Variants in SHANK2 observed in about 807,000 individuals in gnomAD.
SHANK2 encodes the protein SH3 and multiple ankyrin repeat domains 2.
In SHANK2, 43 loss-of-function variants were observed where a neutral mutation model predicts 133.7. The observed-to-expected ratio is 0.32, with a 90% CI of 0.25 to 0.41. SHANK2 has a LOEUF of 0.41. Among genes scored for constraint, SHANK2 ranks in the 10% least tolerant of loss-of-function variants. The pLI, the probability that SHANK2 is intolerant of heterozygous loss-of-function variation, is 1.00. For missense variants in SHANK2, 1,994 were observed against 2,235.8 expected (o/e 0.89, Z 2.18); for synonymous variants, 1,017 against 952.8 (o/e 1.07, Z -1.24).
At chr11:71,157,141 T>C (rs566804458) in intron 2 of SHANK2, among the ~76,000 whole-genome samples, 67 of 151,970 alleles carry the variant, frequency 4.4e-4, no homozygotes, top group African/African-American at 1.4e-3. Context: ...TACACACACA[T>C]ATATATAAAG....
intron 12 of SHANK2, among the ~76,000 whole-genome samples, chr11:70,815,178 AC>A (rs1555054014): frequency 2.8e-3 from 5 of 1,818 alleles, no homozygotes; most frequent in Admixed American, 6.6e-3. Flanking sequence ...GAGAAGAAAC[AC>A]ACACACACAC....
At chr11:70,752,530 G>T (rs3017483) in intron 14 of SHANK2, among the ~76,000 whole-genome samples, 1 of 151,634 alleles carries the variant, frequency 6.6e-6, no homozygotes, top group Admixed American at 6.6e-5. Context: ...CACGGTGAAA[G>T]CCCGTCTCTA....
intron 6 of SHANK2, among the ~76,000 whole-genome samples, chr11:71,108,638 C>T (rs1294031599): frequency 1.3e-5 from 2 of 152,238 alleles, no homozygotes; most frequent in Non-Finnish European, 1.5e-5. Context: ...AGCAGACCCC[C>T]AGGCTTCCCT....
intron 17 of SHANK2, among the ~76,000 whole-genome samples, chr11:70,601,215 C>T (rs1554991008): frequency 1.1e-5 from 1 of 90,924 alleles, no homozygotes; most frequent in East Asian, 4.5e-4. Context: ...CCACGCCCAG[C>T]TAATTTTTTT....
intron 11 of SHANK2, among the ~76,000 whole-genome samples, chr11:70,883,404 G>A (rs1949687919): frequency 6.6e-6 from 1 of 152,156 alleles, no homozygotes; most frequent in Non-Finnish European, 1.5e-5. Flanking sequence ...TCCTCCATCT[G>A]TAGGAAACCA....
At chr11:70,863,474 C>T (rs372258432) in intron 11 of SHANK2, 61 of 457,762 alleles carry the variant, frequency 1.3e-4, no homozygotes, top group Non-Finnish European at 1.9e-4. Context: ...GTGGAAGACA[C>T]GGATTCTGTG....
intron 7 of SHANK2, 88 bp downstream of exon 7, chr11:71,094,449 C>CT: frequency 1.5e-6 from 2 of 1,357,872 alleles, no homozygotes. Context: ...CACGGACCCC[C>CT]TAGGATGGGC....
chr11:70,898,307 C>CACACAG (rs1555076115), intron 10 of SHANK2, among the ~76,000 whole-genome samples: 2 of 149,292 alleles, frequency 1.3e-5, no homozygotes. Context: ...CACACACACA[C>CACACAG]ACACATATAT....
chr11:71,148,377 C>G (rs1555107207), intron 2 of SHANK2, among the ~76,000 whole-genome samples: 1 of 152,230 alleles, frequency 6.6e-6, no homozygotes, highest in East Asian at 1.9e-4. Context: ...AGCCACCGTG[C>G]CTGGCCAGAC....
At position 71,061,059 on chromosome 11, in the gene SHANK2, A is replaced by G. The variant is rs1950980770; in HGVS notation, c.1030-4501T>C. Among the ~76,000 whole-genome samples, 4 of 152,242 alleles carry G rather than the reference A, an allele frequency of 2.6e-5. No individual in the cohort carries two copies. In the South Asian group the frequency reaches 8.3e-4, roughly 31 times the overall value. ...GTACAATTAAATCCAGAGTTTCAAA[A>G]ACAGAAAGCCCTGGCGTCAGTTCTG... On this transcript the variant is annotated intron_variant, in intron 9 of 25. Transcript: ENST00000601538.
chr11:70,478,035 T>TGG (rs2058686205), intron 25 of SHANK2, among the ~76,000 whole-genome samples: 1 of 152,054 alleles, frequency 6.6e-6, no homozygotes. Flanking sequence ...ATCACATTCA[T>TGG]GTAGAAATGT....
At chr11:70,692,477 T>C (rs556457742) in intron 15 of SHANK2, among the ~76,000 whole-genome samples, 204 of 152,346 alleles carry the variant, frequency 1.3e-3, no homozygotes, top group African/African-American at 4.6e-3. Context: ...CAAGGTTGCA[T>C]AGTGACTTAG....
chr11:71,061,961 G>C (rs1349675432), intron 9 of SHANK2, among the ~76,000 whole-genome samples: 3 of 144,074 alleles, frequency 2.1e-5, no homozygotes, highest in African/African-American at 7.6e-5. Context: ...ACTCCAAAAA[G>C]TCTTTCTTTC....
At chr11:70,923,229 TTCC>T (rs1201877484) in intron 10 of SHANK2, among the ~76,000 whole-genome samples, 1 of 152,144 alleles carries the variant, frequency 6.6e-6, no homozygotes, top group Non-Finnish European at 1.5e-5. Context: ...ATCCTCAGCT[TTCC>T]TCTTTTTGTT....
Position 70,661,670 on chromosome 11 carries a change from A to G in SHANK2, c.1862T>C (p.Ile621Thr), listed in dbSNP as rs1365011054. 20 of 1,613,996 alleles carry G rather than the reference A, an allele frequency of 1.2e-5. No homozygotes were observed. Among genetic ancestry groups the G allele is most frequent in the Non-Finnish European group, 1.7e-5 (20 of 1,180,044 alleles). Residue 621 changes from isoleucine to threonine, a missense_variant, in exon 16 of 26, where the codon ATT becomes ACT. Physicochemically the swap from Ile to Thr is moderately conservative, Grantham distance 89. This residue lies in a region of SHANK2 where 653 missense variants were observed against 563.4 expected (regional missense o/e 1.16). Transcript: ENST00000601538. The stretch of plus-strand genomic sequence containing the variant: ...CAGGACCACCGTCTTCTCCTCAATA[A>G]TGCAGTCACTGTAGAGAGAATTCCG... ...YDSFDTSSDCIIEEKTVVLQK... is the reference protein window; with the variant it reads ...YDSFDTSSDCTIEEKTVVLQK...
intron 14 of SHANK2, among the ~76,000 whole-genome samples, chr11:70,734,003 C>T (rs1946343909): frequency 6.6e-6 from 1 of 152,206 alleles, no homozygotes; most frequent in South Asian, 2.1e-4. Context: ...CGCGCACTCA[C>T]ACACTCATGG....
intron 2 of SHANK2, among the ~76,000 whole-genome samples, chr11:71,202,268 C>T (rs1446445799): frequency 1.3e-5 from 2 of 152,246 alleles, no homozygotes; most frequent in Non-Finnish European, 2.9e-5. Context: ...ATCCCCTCCT[C>T]ATTCCTCCCC....
At chr11:71,060,607 A>G (rs1488917703) in intron 9 of SHANK2, among the ~76,000 whole-genome samples, 2 of 152,184 alleles carry the variant, frequency 1.3e-5, no homozygotes, top group African/African-American at 4.8e-5. Flanking sequence ...ACCTCTCACT[A>G]TGAGGACCAT....
In SHANK2 at chr11:70,496,953, C is replaced by T. The variant is rs782160121; in HGVS notation, c.2308+3617G>A. 109 of 456,654 alleles carry T rather than the reference C, an allele frequency of 2.4e-4. No individual in the cohort carries two copies. In the Middle Eastern group the frequency reaches 2.6e-3, roughly 11 times the overall value. 28.3% of individuals were successfully genotyped at this position (456,654 alleles called of 1,614,324 possible). ...GAAGGTGCATCCCTGAAACTGTGGCCACCTTGCCTGTGGACATCTGGTCTC... is the reference window on the plus strand; with the variant it reads ...GAAGGTGCATCCCTGAAACTGTGGCTACCTTGCCTGTGGACATCTGGTCTC... On this transcript the variant is annotated intron_variant, in intron 21 of 25. Transcript: ENST00000601538.
Sources: allele counts gnomAD v4.1 joint callset (sites outside exome capture counted in the v4.1 genomes callset), GRCh38; gene constraint gnomAD v4.1.1; regional missense constraint gnomAD v4.1.1; transcripts MANE v1.5; gene names NCBI Gene and HGNC (gene_info 2026-07-23, HGNC 2026-07-21).